The following AK9 variants were observed in gnomAD, a reference collection of about 807,000 sequenced individuals.
AK9 encodes the protein adenylate kinase 9.
A neutral mutation model predicts 239.6 loss-of-function variants in AK9; 191 were observed. The observed-to-expected ratio is 0.80, with a 90% CI of 0.71 to 0.90. The LOEUF is 0.90. Ranked by LOEUF, AK9 falls within the 40% of genes least tolerant of loss-of-function variation. The pLI is 0.00. For missense variants in AK9, 1,995 were observed against 2,214.7 expected (o/e 0.90, Z 1.99); for synonymous variants, 689 against 721.0 (o/e 0.96, Z 0.71).
intron 1 of AK9, among the ~76,000 whole-genome samples, chr6:109,684,418 A>G (rs750024405): frequency 2.0e-5 from 3 of 152,202 alleles, no homozygotes; most frequent in Non-Finnish European, 4.4e-5. Flanking sequence ...TAAATTAAAG[A>G]GGTTCTGCAC....
At chr6:109,570,933 A>G (rs1002744822) in intron 21 of AK9, among the ~76,000 whole-genome samples, 2 of 152,182 alleles carry the variant, frequency 1.3e-5, no homozygotes, top group Non-Finnish European at 1.5e-5. Context: ...TAGGAAAAGA[A>G]CGAAAAGAAC....
intron 25 of AK9, among the ~76,000 whole-genome samples, chr6:109,546,344 T>C (rs1783568263): frequency 6.6e-6 from 1 of 152,234 alleles, no homozygotes; most frequent in African/African-American, 2.4e-5. Context: ...AACAACCATA[T>C]ATGATTATCT....
chr6:109,500,786 G>A (rs933879552), intron 35 of AK9, among the ~76,000 whole-genome samples: 12 of 152,164 alleles, frequency 7.9e-5, no homozygotes, highest in African/African-American at 2.7e-4. Context: ...GGGAGGCTGA[G>A]GTGGGTAGAT....
At chr6:109,609,952 C>T (rs1027286342) in intron 17 of AK9, among the ~76,000 whole-genome samples, 4 of 152,018 alleles carry the variant, frequency 2.6e-5, no homozygotes, top group Non-Finnish European at 5.9e-5. Context: ...CCCCTATGAA[C>T]ACATGTTCAA....
At position 109,600,062 on chromosome 6, in the gene AK9, C is replaced by T. The variant is rs144038611; in HGVS notation, c.1842+10303G>A. On this transcript the variant is annotated intron_variant, in intron 17 of 40. Coordinates refer to ENST00000424296, the MANE Select transcript of AK9 (RefSeq NM_001145128.3). ...ATTTCCTCTTTTCCTAATTGAATAC[C>T]CTTTATTTCTTTCTCCTGCCTGATT... 3.7e-3 allele frequency among the ~76,000 whole-genome samples: 566 copies of T among 152,184 alleles called. 4 individuals are homozygous for T. The highest frequency in any genetic ancestry group is 0.013 in the African/African-American group (542 of 41,508).
At chr6:109,689,736 C>T (rs1774049386) in intron 1 of AK9, among the ~76,000 whole-genome samples, 1 of 152,018 alleles carries the variant, frequency 6.6e-6, no homozygotes, top group Non-Finnish European at 1.5e-5. Flanking sequence ...GATCTGATTC[C>T]GGGTGAAATA....
chr6:109,649,395 C>G (rs1256139921), intron 8 of AK9, among the ~76,000 whole-genome samples: 1 of 152,054 alleles, frequency 6.6e-6, no homozygotes, highest in Non-Finnish European at 1.5e-5. Flanking sequence ...TCAGCAAAGT[C>G]TCAGGATACA....
chr6:109,497,569 A>G lies in AK9; in HGVS notation c.5217-6T>C, dbSNP rs1430144386. 2 of 1,568,408 alleles carry G rather than the reference A, an allele frequency of 1.3e-6. No homozygotes were observed. Among genetic ancestry groups the G allele is most frequent in the South Asian group, 1.1e-5 (1 of 87,748 alleles). On this transcript the variant is annotated splice_region_variant and splice_polypyrimidine_tract_variant and intron_variant, in intron 37 of 40. Coordinates refer to ENST00000424296, the MANE Select transcript of AK9 (RefSeq NM_001145128.3). ...CAGGTACTAGAGCTTCATATCTGGA[A>G]GACCAAAAAACAAAACAAAACCTCT...
chr6:109,675,726 G>A lies in AK9; in HGVS notation c.20C>T (p.Thr7Ile). 1 of 1,584,420 alleles carries A rather than the reference G, an allele frequency of 6.3e-7. No individual in the cohort carries two copies. Among genetic ancestry groups the A allele is most frequent in the Non-Finnish European group, 8.6e-7 (1 of 1,167,178 alleles). Residue 7 changes from threonine to isoleucine, a missense_variant, in exon 2 of 41, where the codon ACA (threonine) becomes ATA (isoleucine). Coordinates refer to ENST00000424296, the MANE Select transcript of AK9 (RefSeq NM_001145128.3). ...TATATCTGCAAAAGGATACTCTTCTGTCTTCTCTTGAGAAGTCATGACACA... is the reference window on the plus strand; with the variant it reads ...TATATCTGCAAAAGGATACTCTTCTATCTTCTCTTGAGAAGTCATGACACA... MTSQEK[T>I]EEYPFADIFD...
At chr6:109,619,671 G>A (rs1334777772) in intron 12 of AK9, among the ~76,000 whole-genome samples, 6 of 151,974 alleles carry the variant, frequency 3.9e-5, no homozygotes, top group Non-Finnish European at 7.4e-5. Flanking sequence ...GCCGGGTGTG[G>A]TGGCTAACAT....
chr6:109,676,782 C>T (rs1431997460), intron 1 of AK9, among the ~76,000 whole-genome samples: 2 of 152,056 alleles, frequency 1.3e-5, no homozygotes, highest in East Asian at 3.9e-4. Context: ...ATGTCCTTTG[C>T]ACACATGCAC....
At chr6:109,598,814 C>T (rs1466320229) in intron 17 of AK9, among the ~76,000 whole-genome samples, 2 of 152,224 alleles carry the variant, frequency 1.3e-5, no homozygotes, top group Admixed American at 6.5e-5. Context: ...TTGCATTTCT[C>T]TGATGGCCAG....
At chr6:109,514,133 C>T in intron 32 of AK9, 91 bp downstream of exon 32, 1 of 1,212,898 alleles carries the variant, frequency 8.2e-7, no homozygotes, top group Non-Finnish European at 1.1e-6. Flanking sequence ...TCTGCTGCAA[C>T]CCAGTGTCTT....
intron 12 of AK9, among the ~76,000 whole-genome samples, chr6:109,620,448 T>G (rs929356016): frequency 7.2e-5 from 11 of 152,158 alleles, no homozygotes; most frequent in African/African-American, 2.4e-4. Flanking sequence ...TTTTTCTCTT[T>G]AAGCATATGT....
At chr6:109,513,028 T>TAA (rs1778915117) in intron 32 of AK9, among the ~76,000 whole-genome samples, 1 of 152,098 alleles carries the variant, frequency 6.6e-6, no homozygotes, top group Non-Finnish European at 1.5e-5. Context: ...CATTCCCAGC[T>TAA]AATGTTTTAA....
intron 35 of AK9, among the ~76,000 whole-genome samples, chr6:109,501,939 C>G (rs1414569862): frequency 3.3e-5 from 5 of 152,182 alleles, no homozygotes; most frequent in Non-Finnish European, 7.3e-5. Flanking sequence ...TGAACCTTAC[C>G]ATACCTTACC....
intron 19 of AK9, among the ~76,000 whole-genome samples, chr6:109,579,858 CAT>C (rs1788595959): frequency 6.6e-6 from 1 of 152,018 alleles, no homozygotes; most frequent in Non-Finnish European, 1.5e-5. Context: ...AATTAGGAAA[CAT>C]GTCAAAAATA....
At chr6:109,542,585 A>T (rs1188913456) in intron 26 of AK9, among the ~76,000 whole-genome samples, 3 of 152,218 alleles carry the variant, frequency 2.0e-5, no homozygotes, top group African/African-American at 7.2e-5. Context: ...GTACCCCATA[A>T]ATATGTACAA....
At chr6:109,641,726 G>A (rs1020810161) in intron 9 of AK9, 110 bp from the exon 10 acceptor site, 7 of 898,028 alleles carry the variant, frequency 7.8e-6, no homozygotes, top group Admixed American at 4.5e-5. Context: ...ACTCTGGGTC[G>A]AATCCTTGCT....
Sources: gnomAD v4.1 joint callset for allele counts (sites outside exome capture counted in the v4.1 genomes callset) on GRCh38, gnomAD v4.1.1 for gene constraint, MANE v1.5 for transcripts, NCBI Gene and HGNC (gene_info 2026-07-23, HGNC 2026-07-21) for gene names.